Variants in MORC2 observed in about 807,000 individuals in gnomAD.
MORC2 encodes ATPase MORC2.
In MORC2, 30 loss-of-function variants were observed where a neutral mutation model predicts 136.0. The observed-to-expected ratio is 0.22, with a 90% CI of 0.17 to 0.30. MORC2 has a LOEUF of 0.30. Ranked by LOEUF, MORC2 falls within the 10% of genes least tolerant of loss-of-function variation. MORC2 has a pLI of 1.00. For missense variants in MORC2, 922 were observed against 1,333.1 expected, an observed-to-expected ratio of 0.69 and a Z score of 4.80; for synonymous variants, 439 against 487.0, an observed-to-expected ratio of 0.90 and a Z score of 1.30.
At chr22:30,943,127 GAAC>G (rs1288282227) in intron 6 of MORC2, among the ~76,000 whole-genome samples, 1 of 152,140 alleles carries the variant, frequency 6.6e-6, no homozygotes, top group African/African-American at 2.4e-5. Flanking sequence ...CAACATGGAT[GAAC>G]AACATAAACA....
chr22:30,932,955 T>C lies in MORC2; in HGVS notation c.2456A>G (p.Lys819Arg). 1 of 1,614,162 alleles carries C rather than the reference T, an allele frequency of 6.2e-7. No homozygotes were observed. Among genetic ancestry groups the C allele is most frequent in the Non-Finnish European group, 8.5e-7 (1 of 1,180,016 alleles). Residue 819 changes from lysine to arginine, a missense_variant, in exon 22 of 26, where the codon AAG becomes AGG. Lys to Arg is a conservative substitution (Grantham distance 26, BLOSUM62 2). Transcript: ENST00000397641. This position sits in a 1 kb window ranked among gnomAD's most constrained non-coding sequence, Gnocchi z 4.4. ...CTTCACCTTCCACCGCACCACATGC[T>C]TGCCCACCTCCACGGCTGTGACACG... ...TGRVTAVEVG[K>R]HVVRWKVKFD...
At chr22:30,964,945 G>A (rs1341012113) in intron 1 of MORC2, among the ~76,000 whole-genome samples, 1 of 152,098 alleles carries the variant, frequency 6.6e-6, no homozygotes, top group East Asian at 1.9e-4. Context: ...AATGTTTACT[G>A]TGTACCACCG....
At chr22:30,942,031 A>G in intron 7 of MORC2, 29 bp from the exon 8 acceptor site, 1 of 1,610,742 alleles carries the variant, frequency 6.2e-7, no homozygotes, top group Non-Finnish European at 8.5e-7. Flanking sequence ...TTGTCCTGCC[A>G]GATCCCCCGG....
Position 30,934,703 on chromosome 22 carries a change from T to C in MORC2, c.2193+78A>G, listed in dbSNP as rs934443750. The C allele has an allele frequency of 1.3e-6, 2 of 1,547,200 alleles. No homozygotes were observed. The highest frequency in any genetic ancestry group is 1.4e-5 in the African/African-American group (1 of 73,726). ...CAGTATCTTCCGAAGGCTCCCCCAG[T>C]ACAGCTGTGACACTGCACAATTCCA... On this transcript the variant is annotated intron_variant, in intron 19 of 25. Transcript: ENST00000397641. The surrounding 1 kb of genome is among the most constrained non-coding windows in gnomAD (Gnocchi z 4.4).
At position 30,934,951 on chromosome 22, in the gene MORC2, G is replaced by A. The variant is rs532346574; in HGVS notation, c.2023C>T (p.Arg675Ter). Reference sequence around the variant, plus strand: ...TTGACGAGAGTGTTGGCAGGCTTTCGGGGTGCCTCAGGTGGCTGGAGCAGC... The same window carrying A: ...TTGACGAGAGTGTTGGCAGGCTTTCAGGGTGCCTCAGGTGGCTGGAGCAGC... ...SRLLQPPEAPRKPANTLVKTA... is the reference protein window; with the variant it reads ...SRLLQPPEAP The change falls in exon 19 of 26, where the codon CGA becomes TGA. Residue 675 changes from arginine to a stop codon, truncating the protein, a stop_gained. Transcript: ENST00000397641. LOFTEE classifies it high-confidence loss of function. This position sits in a 1 kb window ranked among gnomAD's most constrained non-coding sequence, Gnocchi z 4.4. The A allele has an allele frequency of 1.2e-6, 2 of 1,614,082 alleles. No individual in the cohort carries two copies. Among genetic ancestry groups the A allele is most frequent in the Non-Finnish European group, 1.7e-6 (2 of 1,180,002 alleles).
rs528658752 is a variant in MORC2, at chr22:30,925,851, T to C, written c.*952A>G. The C allele has an allele frequency of 1.5e-4, 23 of 153,414 alleles. No individual in the cohort carries two copies. Among genetic ancestry groups the C allele is most frequent in the Non-Finnish European group, 2.2e-4 (15 of 68,032 alleles). 9.5% of individuals were successfully genotyped at this position (153,414 alleles called of 1,614,324 possible). On this transcript the variant is annotated 3_prime_UTR_variant, in exon 26 of 26. Coordinates refer to ENST00000397641, the MANE Select transcript of MORC2 (RefSeq NM_001303256.3). ...CTCTGGAGTCCCTGTGGCCACGGGA[T>C]CTCACTGGCCCCCTCTTCAGGCACC... is the stretch of plus-strand genomic sequence containing the variant.
At position 30,932,626 on chromosome 22, in the gene MORC2, G is replaced by C. The variant is rs747144945; in HGVS notation, c.2666C>G (p.Ser889Cys). ...QAIAVAEPST[S>C]ECLRIEPDTT... ...GTCAGGCTCAATGCGGAGGCATTCGGAAGTGGAGGGCTCTGCGACAGCTAT... is the reference window on the plus strand; with the variant it reads ...GTCAGGCTCAATGCGGAGGCATTCGCAAGTGGAGGGCTCTGCGACAGCTAT... Residue 889 changes from serine to cysteine, a missense_variant, in exon 23 of 26, where the codon TCC becomes TGC. Around this residue, in one of 9 missense-constraint regions of MORC2, gnomAD observed 263 missense variants for 388.3 expected, o/e 0.68. Transcript: ENST00000397641. The surrounding 1 kb of genome is among the most constrained non-coding windows in gnomAD (Gnocchi z 4.4). 2.5e-6 allele frequency: 4 copies of C among 1,614,184 alleles called. No homozygotes were observed. Among genetic ancestry groups the C allele is most frequent in the Admixed American group, 1.7e-5 (1 of 60,026 alleles).
chr22:30,948,748 C>T (rs1395592380), intron 5 of MORC2, among the ~76,000 whole-genome samples: 1 of 152,168 alleles, frequency 6.6e-6, no homozygotes, highest in Non-Finnish European at 1.5e-5. Context: ...TTATAAACCT[C>T]AATTTCTTCA....
At position 30,932,392 on chromosome 22, in the gene MORC2, A is replaced by G; in HGVS notation, c.2808T>C (p.Ala936=). 6.2e-7 allele frequency: 1 copy of G among 1,614,132 alleles called. No individual in the cohort carries two copies. Among genetic ancestry groups the G allele is most frequent in the Non-Finnish European group, 8.5e-7 (1 of 1,179,968 alleles). The part of the protein sequence containing the change: ...SFPISKKQLS[A]MNSDELISFP... ...AAGATATTAGCTCATCTGAATTCAT[A>G]GCACTCAGCTGCTTCTTGGAGATGG... The change falls in exon 24 of 26, where the codon GCT becomes GCC. Residue 936 remains alanine (A), a synonymous_variant. Coordinates refer to ENST00000397641, the MANE Select transcript of MORC2 (RefSeq NM_001303256.3). The surrounding 1 kb of genome is among the most constrained non-coding windows in gnomAD (Gnocchi z 4.4).
intron 3 of MORC2, among the ~76,000 whole-genome samples, chr22:30,950,955 C>T (rs2040878183): frequency 6.6e-6 from 1 of 152,234 alleles, no homozygotes; most frequent in African/African-American, 2.4e-5. Flanking sequence ...GTGGAAGCTG[C>T]TATCTAAAAG....
Position 30,937,356 on chromosome 22 carries a change from G to A in MORC2, c.1498+227C>T, listed in dbSNP as rs994031294. Reference sequence around the variant, plus strand: ...AGTGAGCCTGGCCTGGCTGCAGCTGGAGAGGCCTGGGAGGACAGATGACCT... The same window carrying A: ...AGTGAGCCTGGCCTGGCTGCAGCTGAAGAGGCCTGGGAGGACAGATGACCT... On this transcript the variant is annotated intron_variant, in intron 15 of 25. Coordinates refer to ENST00000397641, the MANE Select transcript of MORC2 (RefSeq NM_001303256.3). This position sits in a 1 kb window ranked among gnomAD's most constrained non-coding sequence, Gnocchi z 4.7. Among the ~76,000 whole-genome samples the A allele has an allele frequency of 6.6e-6, 1 of 152,142 alleles. No individual in the cohort carries two copies.
Position 30,935,097 on chromosome 22 carries a change from G to A in MORC2, c.1877C>T (p.Pro626Leu). ...AGTTGGCAAAGAAGGGGGTCTGCTG[G>A]GGGCGTTCCTGATCACAGCAGGTAA... ...PPLPAVIRNA[P>L]SRPPSLPTPR... Residue 626 changes from proline to leucine, a missense_variant, in exon 19 of 26, where the codon CCC becomes CTC. Physicochemically the swap from Pro to Leu is moderately conservative, Grantham distance 98. Coordinates refer to ENST00000397641, the MANE Select transcript of MORC2 (RefSeq NM_001303256.3). The A allele has an allele frequency of 6.2e-7, 1 of 1,613,890 alleles. No homozygotes were observed. Among genetic ancestry groups the A allele is most frequent in the Non-Finnish European group, 8.5e-7 (1 of 1,179,976 alleles).
At chr22:30,929,358 G>A (rs1361151842) in intron 24 of MORC2, among the ~76,000 whole-genome samples, 2 of 152,090 alleles carry the variant, frequency 1.3e-5, no homozygotes, top group East Asian at 3.8e-4. Flanking sequence ...GGGCTCCTGA[G>A]GCTCTATGGA....
intron 1 of MORC2, among the ~76,000 whole-genome samples, chr22:30,965,498 AG>A (rs2041114704): frequency 6.6e-6 from 1 of 152,340 alleles, no homozygotes; most frequent in East Asian, 1.9e-4. Context: ...TTGTTGGTTT[AG>A]GGTTTATACT....
At chr22:30,966,028 C>A (rs186791700) in intron 1 of MORC2, among the ~76,000 whole-genome samples, 193 of 152,318 alleles carry the variant, frequency 1.3e-3, no homozygotes, top group Middle Eastern at 6.8e-3. Flanking sequence ...TCTCTTTGAA[C>A]CTCAGTTTCC....
chr22:30,934,124 C>G lies in MORC2; in HGVS notation c.2261G>C (p.Arg754Thr). 6.2e-7 allele frequency: 1 copy of G among 1,614,188 alleles called. No individual in the cohort carries two copies. Among genetic ancestry groups the G allele is most frequent in the Non-Finnish European group, 8.5e-7 (1 of 1,180,034 alleles). The change falls in exon 20 of 26, where the codon AGG becomes ACG. Residue 754 changes from arginine to threonine, a missense_variant. Transcript: ENST00000397641. The surrounding 1 kb of genome is among the most constrained non-coding windows in gnomAD (Gnocchi z 4.4). ...DEEEVEEEAE[R>T]RKERCKRGRF... The stretch of plus-strand genomic sequence containing the variant: ...GCCCCGCTTGCACCTCTCCTTCCTC[C>G]TCTCAGCTTCCTCCTCAACTTCTTC...
intron 1 of MORC2, among the ~76,000 whole-genome samples, chr22:30,961,887 G>C (rs1002358860): frequency 6.6e-6 from 1 of 152,114 alleles, no homozygotes; most frequent in African/African-American, 2.4e-5. Flanking sequence ...CAAGCACAAA[G>C]CACCTGCCAC....
intron 6 of MORC2, among the ~76,000 whole-genome samples, chr22:30,943,838 C>T (rs1486166790): frequency 1.3e-5 from 2 of 152,182 alleles, no homozygotes; most frequent in Non-Finnish European, 2.9e-5. Context: ...GGCACGATCT[C>T]GGCTCACTGC....
intron 10 of MORC2, 25 bp downstream of exon 10, chr22:30,940,733 A>G: frequency 1.9e-6 from 3 of 1,607,794 alleles, no homozygotes; most frequent in Non-Finnish European, 2.6e-6. Context: ...CACCCCCCCA[A>G]CTCCTGCACC....
Sources: allele counts gnomAD v4.1 joint callset (sites outside exome capture counted in the v4.1 genomes callset), GRCh38; gene constraint gnomAD v4.1.1; regional missense constraint gnomAD v4.1.1; non-coding constraint Gnocchi (gnomAD v3.1); transcripts MANE v1.5; gene names NCBI Gene and HGNC (gene_info 2026-07-23, HGNC 2026-07-21).